The following TBC1D8 variants were observed in gnomAD, a reference collection of about 807,000 sequenced individuals.
TBC1D8 encodes the protein TBC1 domain family member 8.
Under a neutral mutation model 118.8 loss-of-function variants are expected in TBC1D8, and 65 were observed. The ratio of observed to expected loss-of-function variants is 0.55; its 90% confidence interval spans 0.45 to 0.67. The LOEUF (loss-of-function observed/expected upper bound fraction) is 0.67, where lower values mean the gene tolerates loss of function less well. Ranked by LOEUF, TBC1D8 falls within the 30% of genes least tolerant of loss-of-function variation. The probability of loss-of-function intolerance (pLI) is 0.00; values close to 1 mark genes in which losing one functional copy is unlikely to be tolerated. For missense variants in TBC1D8, 1,376 were observed against 1,471.2 expected (o/e 0.94, Z 1.06); for synonymous variants, 566 against 595.8 (o/e 0.95, Z 0.73).
intron 2 of TBC1D8, among the ~76,000 whole-genome samples, chr2:101,078,770 A>G (rs1009001293): frequency 1.3e-5 from 2 of 150,440 alleles, no homozygotes; most frequent in African/African-American, 4.9e-5. Flanking sequence ...AAAAAAAAAA[A>G]AAAAGGAACA....
intron 1 of TBC1D8, among the ~76,000 whole-genome samples, chr2:101,116,849 C>T (rs1677842173): frequency 6.6e-6 from 1 of 152,010 alleles, no homozygotes; most frequent in Admixed American, 6.6e-5. Context: ...GCCATGTTGG[C>T]TAGGCTGGTC....
intron 1 of TBC1D8, among the ~76,000 whole-genome samples, chr2:101,137,865 T>TA (rs1558728775): frequency 1.3e-5 from 2 of 152,198 alleles, no homozygotes; most frequent in Admixed American, 6.5e-5. Flanking sequence ...TGTATAGTGC[T>TA]AAGCCAACAG....
intron 18 of TBC1D8, 137 bp downstream of exon 18, chr2:101,011,314 G>A (rs566542031): frequency 1.5e-3 from 1,370 of 925,260 alleles, no homozygotes; most frequent in Non-Finnish European, 2.0e-3. Flanking sequence ...TCCTCTAAAG[G>A]CAGTGAGTTT....
At chr2:101,024,614 T>C (rs1271172727) in intron 15 of TBC1D8, among the ~76,000 whole-genome samples, 7 of 151,730 alleles carry the variant, frequency 4.6e-5, no homozygotes, top group Admixed American at 3.9e-4. Flanking sequence ...ACCATGTTGG[T>C]CAGGCTGGTC....
At chr2:101,018,958 C>G (rs1679854106) in intron 17 of TBC1D8, 1 of 1,604,602 alleles carries the variant, frequency 6.2e-7, no homozygotes, top group Non-Finnish European at 8.5e-7. Flanking sequence ...TGTGTGTTAC[C>G]TGACATGGTA....
intron 1 of TBC1D8, chr2:101,109,967 TC>T: frequency 1.0e-6 from 1 of 985,442 alleles, no homozygotes; most frequent in Non-Finnish European, 1.2e-6. Flanking sequence ...TGCTTTCCTT[TC>T]CGCAGCAGTT....
intron 6 of TBC1D8, among the ~76,000 whole-genome samples, chr2:101,039,686 C>A (rs1253428249): frequency 6.6e-6 from 1 of 152,094 alleles, no homozygotes; most frequent in African/African-American, 2.4e-5. Flanking sequence ...GGGACCTGAT[C>A]CCTGTCAATG....
chr2:101,150,118 G>T (rs1679492618), intron 1 of TBC1D8, among the ~76,000 whole-genome samples: 1 of 152,146 alleles, frequency 6.6e-6, no homozygotes, highest in Admixed American at 6.5e-5. Flanking sequence ...TTTGCACTTG[G>T]TTCTGCGGTT....
At chr2:101,149,213 T>C (rs1679447182) in intron 1 of TBC1D8, among the ~76,000 whole-genome samples, 1 of 152,064 alleles carries the variant, frequency 6.6e-6, no homozygotes, top group African/African-American at 2.4e-5. Flanking sequence ...CCGAAGTAAA[T>C]ATCAAGGAAT....
At position 101,050,458 on chromosome 2, in the gene TBC1D8, T is replaced by G; in HGVS notation, c.815A>C (p.Asp272Ala). 6.2e-7 allele frequency: 1 copy of G among 1,613,942 alleles called. No homozygotes were observed. The highest frequency in any genetic ancestry group is 8.5e-7 in the Non-Finnish European group (1 of 1,179,896). The stretch of plus-strand genomic sequence containing the variant: ...GGGGTCGAGGTCAAAGACCTCATTA[T>G]CCAGCAGCCTTCGCAGCGTCACGTC... ...LADVTLRRLL[D>A]NEVFDLDPDL... The change falls in exon 5 of 20, where the codon GAT (aspartate) becomes GCT (alanine). Residue 272 changes from aspartate (D) to alanine (A), a missense_variant. Physicochemically the swap from Asp to Ala is moderately radical, Grantham distance 126. Transcript: ENST00000409318.
intron 2 of TBC1D8, among the ~76,000 whole-genome samples, chr2:101,061,806 G>A (rs1313682488): frequency 2.6e-5 from 4 of 152,174 alleles, no homozygotes; most frequent in African/African-American, 7.2e-5. Flanking sequence ...GAGGGCTCCT[G>A]CGGTGTCACA....
In TBC1D8 at chr2:101,087,155, G is replaced by A. The variant is rs991883976; in HGVS notation, c.283+3054C>T. Among the ~76,000 whole-genome samples the A allele has an allele frequency of 3.5e-4, 54 of 152,156 alleles. 1 individual carries two copies. Among genetic ancestry groups the A allele is most frequent in the East Asian group, 1.9e-4 (1 of 5,196 alleles). Reference sequence around the variant, plus strand: ...CATTCAAAGCCCTCCTGGGCCGCACGCAACCAGCAGGCCACAGGTTGGACA... The same window carrying A: ...CATTCAAAGCCCTCCTGGGCCGCACACAACCAGCAGGCCACAGGTTGGACA... On this transcript the variant is annotated intron_variant, in intron 2 of 19. Transcript: ENST00000409318.
chr2:101,090,229 A>T lies in TBC1D8; in HGVS notation c.263T>A (p.Val88Asp). ...CTCACCAGTGGCTATGGCCCAGTAA[A>T]CGTCTGATCCATTCAGTAACTCACC... The part of the protein sequence containing the change: ...ACGELLNGSD[V>D]YWAIATGATL... The change falls in exon 2 of 20, where the codon GTT (valine) becomes GAT (aspartate). Residue 88 changes from valine (V) to aspartate (D), a missense_variant. By Grantham distance (152) the Val-to-Asp change is radical. Transcript: ENST00000409318. 1 of 1,613,794 alleles carries T rather than the reference A, an allele frequency of 6.2e-7. No individual in the cohort carries two copies. The highest frequency in any genetic ancestry group is 8.5e-7 in the Non-Finnish European group (1 of 1,179,796).
chr2:101,092,962 TG>T (rs1256943602), intron 1 of TBC1D8, among the ~76,000 whole-genome samples: 2 of 152,198 alleles, frequency 1.3e-5, no homozygotes, highest in Non-Finnish European at 2.9e-5. Flanking sequence ...CACCAACACG[TG>T]GAGTCTCTTC....
intron 2 of TBC1D8, chr2:101,068,298 A>G (rs1369158064): frequency 5.4e-6 from 1 of 185,332 alleles, no homozygotes; most frequent in Non-Finnish European, 1.1e-5. Context: ...GCAGCAGCTG[A>G]GACACCTGCG....
intron 5 of TBC1D8, among the ~76,000 whole-genome samples, chr2:101,042,401 A>T (rs942134866): frequency 6.6e-6 from 1 of 152,186 alleles, no homozygotes. Flanking sequence ...TGAAATTAGC[A>T]CTTGCTTAAA....
At chr2:101,038,679 G>A (rs1433999020) in intron 6 of TBC1D8, 24 bp from the exon 7 acceptor site, 2 of 1,611,598 alleles carry the variant, frequency 1.2e-6, no homozygotes, top group Admixed American at 1.7e-5. Flanking sequence ...AACATGCAGG[G>A]ACAGAAGGGC....
intron 1 of TBC1D8, among the ~76,000 whole-genome samples, chr2:101,110,321 G>A (rs1269205975): frequency 5.3e-5 from 8 of 152,190 alleles, no homozygotes; most frequent in Non-Finnish European, 1.0e-4. Flanking sequence ...ACAGGCAGTG[G>A]TGGCAGAGTG....
chr2:101,040,113 G>T, intron 6 of TBC1D8, 65 bp downstream of exon 6: 1 of 1,557,360 alleles, frequency 6.4e-7, no homozygotes, highest in Non-Finnish European at 8.7e-7. Flanking sequence ...CCATCTCACA[G>T]CCAGCAACCT....
Sources: gnomAD v4.1 joint callset for allele counts (sites outside exome capture counted in the v4.1 genomes callset) on GRCh38, gnomAD v4.1.1 for gene constraint, MANE v1.5 for transcripts, NCBI Gene and HGNC (gene_info 2026-07-23, HGNC 2026-07-21) for gene names.